The following ARPP21 variants were observed in gnomAD, a reference collection of about 807,000 sequenced individuals.
ARPP21 encodes cAMP regulated phosphoprotein 21.
A neutral mutation model predicts 113.2 loss-of-function variants in ARPP21; 69 were observed. The observed-to-expected ratio is 0.61, with a 90% confidence interval of 0.50 to 0.74. The LOEUF (loss-of-function observed/expected upper bound fraction) is 0.74, where lower values mean the gene tolerates loss of function less well. ARPP21 is among the 30% of genes least tolerant of loss of function. The pLI, the probability that ARPP21 is intolerant of heterozygous loss-of-function variation, is 0.00. For missense variants in ARPP21, 1,070 were observed against 1,037.4 expected (o/e 1.03, Z -0.43); for synonymous variants, 368 against 375.5 (o/e 0.98, Z 0.23).
chr3:35,744,624 G>C (rs1180731662), intron 19 of ARPP21: 1 of 423,298 alleles, frequency 2.4e-6, no homozygotes, highest in African/African-American at 2.1e-5. Context: ...AGTGGCTTGT[G>C]CTAGGGAGAG....
rs573760528 is a variant in ARPP21 at position 35,644,774 on chromosome 3, G to A, written c.-213+4376G>A. On this transcript the variant is annotated intron_variant, in intron 1 of 20. Coordinates refer to ENST00000684406, the MANE Select transcript of ARPP21 (RefSeq NM_001385562.1). ...TTATGCTCCTGTTTTTTAGTCACCAGTATAGATCCTGGAATTGCCAGGTGG... is the reference window on the plus strand; with the variant it reads ...TTATGCTCCTGTTTTTTAGTCACCAATATAGATCCTGGAATTGCCAGGTGG... 7.3e-4 allele frequency among the ~76,000 whole-genome samples: 111 copies of A among 151,992 alleles called. 1 individual carries two copies. Among genetic ancestry groups the A allele is most frequent in the African/African-American group, 2.5e-3 (105 of 41,518 alleles).
chr3:35,793,706 A>G lies in ARPP21; in HGVS notation c.2292A>G (p.Pro764=). The change falls in exon 21 of 21, where the codon CCA becomes CCG. Residue 764 remains proline, a synonymous_variant. Coordinates refer to ENST00000684406, the MANE Select transcript of ARPP21 (RefSeq NM_001385562.1). ...TTGCTTGTGTCTTTTTACAGGTGCC[A>G]ATGACCCAGGGTTCTCAAGGACTGC... The part of the protein sequence containing the change: ...SYPTMSSYQV[P]MTQGSQGLPQ... The G allele has an allele frequency of 6.2e-7, 1 of 1,613,344 alleles. No homozygotes were observed. Among genetic ancestry groups the G allele is most frequent in the Non-Finnish European group, 8.5e-7 (1 of 1,179,328 alleles).
rs988300317 is a variant in ARPP21, at chr3:35,640,244, A to T, written c.-367A>T. The T allele has an allele frequency of 9.2e-5, 14 of 152,192 alleles. No homozygotes were observed. Among genetic ancestry groups the T allele is most frequent in the African/African-American group, 3.4e-4 (14 of 41,468 alleles). 9.4% of individuals were successfully genotyped at this position (152,192 alleles called of 1,614,324 possible). A position where few individuals can be genotyped will look rare whatever the true frequency, so the allele number is the denominator to read the frequency against. The stretch of plus-strand genomic sequence containing the variant: ...AAAACAAAACAAACAAACAAACCCA[A>T]CAACAACAACAACAACAAAAGCCAA... On this transcript the variant is annotated 5_prime_UTR_variant, in exon 1 of 21. Transcript: ENST00000684406.
chr3:35,711,800 C>T (rs2091203987), intron 11 of ARPP21, among the ~76,000 whole-genome samples: 2 of 152,180 alleles, frequency 1.3e-5, no homozygotes, highest in Admixed American at 1.3e-4. Flanking sequence ...TTGGTGTCTT[C>T]ATGACATGGC....
chr3:35,646,599 A>G (rs1700326809), intron 1 of ARPP21, among the ~76,000 whole-genome samples: 1 of 152,134 alleles, frequency 6.6e-6, no homozygotes, highest in Non-Finnish European at 1.5e-5. Context: ...TGTTTAAAGA[A>G]AGAAGATTAA....
chr3:35,763,794 C>T (rs2095861215), intron 19 of ARPP21, among the ~76,000 whole-genome samples: 1 of 152,196 alleles, frequency 6.6e-6, no homozygotes, highest in South Asian at 2.1e-4. Context: ...TTTTCATCAC[C>T]TTTGAGTATT....
At chr3:35,781,975 C>T (rs922356818) in intron 19 of ARPP21, among the ~76,000 whole-genome samples, 1 of 152,126 alleles carries the variant, frequency 6.6e-6, no homozygotes, top group African/African-American at 2.4e-5. Flanking sequence ...TGCTGTTGAG[C>T]TGTAATGAAA....
rs557989556 is a variant in ARPP21, at chr3:35,694,969, AAAGTTTAAATAAATATG to A, written c.686+3981_686+3997del. On this transcript the variant is annotated intron_variant, in intron 9 of 20. Transcript: ENST00000684406. Reference sequence around the variant, plus strand: ...ATTTATATAAATGTATATTATATATAAAGTTTAAATAAATATGAAGTTTAAATAAATATAAAAATGTA... The same window carrying A: ...ATTTATATAAATGTATATTATATATAAAGTTTAAATAAATATAAAAATGTA... Among the ~76,000 whole-genome samples the A allele has an allele frequency of 4.5e-3, 666 of 147,908 alleles. 2 individuals carry two copies. The highest frequency in any genetic ancestry group is 0.015 in the African/African-American group (627 of 40,864).
At chr3:35,740,106 C>A (rs977138547) in intron 18 of ARPP21, among the ~76,000 whole-genome samples, 4 of 152,292 alleles carry the variant, frequency 2.6e-5, no homozygotes, top group Non-Finnish European at 4.4e-5. Flanking sequence ...TAAGGGGAAG[C>A]AGAGCTCACA....
chr3:35,738,454 A>C, intron 17 of ARPP21, 136 bp downstream of exon 17: 1 of 649,962 alleles, frequency 1.5e-6, no homozygotes, highest in Non-Finnish European at 2.7e-6. Flanking sequence ...CGAATGTCTC[A>C]TTTCTGAACA....
chr3:35,687,013 A>G (rs1195277240), intron 5 of ARPP21, among the ~76,000 whole-genome samples: 5 of 151,246 alleles, frequency 3.3e-5, no homozygotes, highest in African/African-American at 1.2e-4. Context: ...GAAAGGACTA[A>G]CTGATGCTAA....
intron 19 of ARPP21, among the ~76,000 whole-genome samples, chr3:35,780,564 C>T (rs2096498376): frequency 6.6e-6 from 1 of 152,010 alleles, no homozygotes; most frequent in African/African-American, 2.4e-5. Flanking sequence ...GATCCCACTA[C>T]TTACTCTGTG....
intron 1 of ARPP21, among the ~76,000 whole-genome samples, chr3:35,657,165 G>A (rs931368531): frequency 2.0e-5 from 3 of 151,916 alleles, no homozygotes; most frequent in African/African-American, 7.3e-5. Flanking sequence ...TCATGGACAC[G>A]TTTATTCCTC....
intron 5 of ARPP21, chr3:35,685,565 T>C (rs1405873935): frequency 1.7e-5 from 17 of 984,956 alleles, no homozygotes; most frequent in Non-Finnish European, 2.0e-5. Flanking sequence ...ATACAGTATA[T>C]GGATTGTATC....
At chr3:35,792,706 T>C (rs541768534) in intron 20 of ARPP21, among the ~76,000 whole-genome samples, 176 bp downstream of exon 20, 11 of 152,354 alleles carry the variant, frequency 7.2e-5, no homozygotes, top group Non-Finnish European at 1.3e-4. Context: ...GCAAAATACA[T>C]GCTTCTGTCA....
intron 5 of ARPP21, 35 bp from the exon 6 acceptor site, chr3:35,687,704 C>A (rs1421963022): frequency 2.5e-6 from 4 of 1,580,958 alleles, no homozygotes; most frequent in South Asian, 1.2e-5. Context: ...GATGATTAAA[C>A]CTGGCCCTAA....
intron 1 of ARPP21, among the ~76,000 whole-genome samples, chr3:35,649,492 C>A (rs933880257): frequency 6.6e-6 from 1 of 152,104 alleles, no homozygotes; most frequent in Non-Finnish European, 1.5e-5. Context: ...GAGGCAAAAG[C>A]ACGTTTACAA....
At chr3:35,767,394 C>T (rs2096018100) in intron 19 of ARPP21, among the ~76,000 whole-genome samples, 1 of 152,096 alleles carries the variant, frequency 6.6e-6, no homozygotes, top group South Asian at 2.1e-4. Context: ...ACTCTCTTCA[C>T]CATGATGGAC....
intron 1 of ARPP21, among the ~76,000 whole-genome samples, chr3:35,670,188 A>G (rs2075974562): frequency 6.6e-6 from 1 of 152,140 alleles, no homozygotes; most frequent in African/African-American, 2.4e-5. Flanking sequence ...TGAACATTAC[A>G]AAAAGCAAAC....
Sources: gnomAD v4.1 joint callset for allele counts (sites outside exome capture counted in the v4.1 genomes callset) on GRCh38, gnomAD v4.1.1 for gene constraint, MANE v1.5 for transcripts, NCBI Gene and HGNC (gene_info 2026-07-23, HGNC 2026-07-21) for gene names.